Variants in MSRA observed in about 807,000 individuals in gnomAD.
MSRA encodes the protein mitochondrial peptide methionine sulfoxide reductase.
A neutral mutation model predicts 31.3 loss-of-function variants in MSRA; 54 were observed. The ratio of observed to expected loss-of-function variants is 1.73; its 90% CI spans 1.39 to 2.17. The LOEUF (loss-of-function observed/expected upper bound fraction) is 2.17, where lower values mean the gene tolerates loss of function less well. MSRA is among the 30% of genes most tolerant of loss of function. MSRA has a pLI of 0.00. For synonymous variants in MSRA, 169 were observed against 116.5 expected, an observed-to-expected ratio of 1.45 and a Z score of -2.90; for missense variants, 507 against 300.9, an observed-to-expected ratio of 1.69 and a Z score of -5.07.
rs1554515751 is a variant in MSRA at position 10,283,868 on chromosome 8, CAT to C, written c.332-17659_332-17658del. Among the ~76,000 whole-genome samples the C allele has an allele frequency of 2.9e-3, 382 of 132,010 alleles. 1 individual carries two copies. Among genetic ancestry groups the C allele is most frequent in the African/African-American group, 9.1e-3 (333 of 36,474 alleles). The allele number at this position is 132,010 out of a possible 152,430, so 86.6% of individuals were successfully genotyped here. On this transcript the variant is annotated intron_variant, in intron 3 of 5. Transcript: ENST00000317173. ...ACACACACACACACACACACACACA[CAT>C]ATATATTACAGTTTCTTTATCTACT...
At chr8:10,199,875 A>G (rs1418887197) in intron 1 of MSRA, among the ~76,000 whole-genome samples, 1 of 152,074 alleles carries the variant, frequency 6.6e-6, no homozygotes, top group Non-Finnish European at 1.5e-5. Context: ...GCCCCACAAC[A>G]CTAACTCCTG....
chr8:10,124,718 G>A (rs1026176445), intron 1 of MSRA, among the ~76,000 whole-genome samples: 28 of 152,132 alleles, frequency 1.8e-4, no homozygotes, highest in African/African-American at 6.8e-4. Flanking sequence ...AATTTTGCAA[G>A]AAATCTATTA....
chr8:10,106,249 T>A (rs373573198), intron 1 of MSRA, among the ~76,000 whole-genome samples: 13 of 152,330 alleles, frequency 8.5e-5, no homozygotes, highest in East Asian at 3.9e-4. Flanking sequence ...CTTTGCTCAG[T>A]CAATTCCAGT....
intron 1 of MSRA, among the ~76,000 whole-genome samples, chr8:10,182,982 C>G (rs1750720763): frequency 6.6e-6 from 1 of 152,208 alleles, no homozygotes; most frequent in Non-Finnish European, 1.5e-5. Flanking sequence ...GCAGATAATA[C>G]TGTGTAGACC....
chr8:10,131,260 G>A (rs1339745762), intron 1 of MSRA, among the ~76,000 whole-genome samples: 1 of 152,136 alleles, frequency 6.6e-6, no homozygotes, highest in African/African-American at 2.4e-5. Flanking sequence ...AGAAGGCAAT[G>A]ACAATGCAAA....
chr8:10,415,342 C>G (rs1486129816), intron 5 of MSRA, among the ~76,000 whole-genome samples: 1 of 152,134 alleles, frequency 6.6e-6, no homozygotes, highest in Non-Finnish European at 1.5e-5. Context: ...CAAATGACGG[C>G]CACCCACTTC....
At chr8:10,279,229 C>A (rs114438079) in intron 3 of MSRA, among the ~76,000 whole-genome samples, 4 of 152,074 alleles carry the variant, frequency 2.6e-5, no homozygotes, top group Non-Finnish European at 5.9e-5. Context: ...GCGTGCATTG[C>A]GTGTCTTCCA....
At chr8:10,054,787 T>C in intron 1 of MSRA, 129 bp downstream of exon 1, 1 of 1,097,008 alleles carries the variant, frequency 9.1e-7, no homozygotes, top group Non-Finnish European at 1.2e-6. Context: ...GGTGGGGGTC[T>C]GCGCAGGCGC....
At chr8:10,419,034 C>A (rs1808652943) in intron 5 of MSRA, among the ~76,000 whole-genome samples, 1 of 152,076 alleles carries the variant, frequency 6.6e-6, no homozygotes, top group Non-Finnish European at 1.5e-5. Context: ...CATACGGCAT[C>A]CTTGTGCGCA....
At chr8:10,204,035 G>A (rs181444509) in intron 1 of MSRA, among the ~76,000 whole-genome samples, 1 of 151,728 alleles carries the variant, frequency 6.6e-6, no homozygotes, top group Non-Finnish European at 1.5e-5. Context: ...TTTAAAAATA[G>A]GAAGAAGTTT....
At chr8:10,244,308 C>T (rs1797497048) in intron 2 of MSRA, among the ~76,000 whole-genome samples, 1 of 152,056 alleles carries the variant, frequency 6.6e-6, no homozygotes, top group African/African-American at 2.4e-5. Flanking sequence ...ATTTGGAGCC[C>T]AAGGAAGTGC....
chr8:10,309,083 T>A (rs956125230), intron 4 of MSRA, among the ~76,000 whole-genome samples: 1 of 152,200 alleles, frequency 6.6e-6, no homozygotes, highest in Non-Finnish European at 1.5e-5. Context: ...CCCACCCTAA[T>A]TAAAGTAGCA....
chr8:10,304,133 C>T (rs923630069), intron 4 of MSRA, among the ~76,000 whole-genome samples: 1 of 152,152 alleles, frequency 6.6e-6, no homozygotes, highest in South Asian at 2.1e-4. Flanking sequence ...GCTGGGGTTT[C>T]ACCATGTTGG....
Position 10,419,503 on chromosome 8 carries a change from C to A in MSRA, c.544-8645C>A, listed in dbSNP as rs1321717932. Among the ~76,000 whole-genome samples, 3 of 152,286 alleles carry A rather than the reference C, an allele frequency of 2.0e-5. No individual in the cohort carries two copies. The South Asian group carries it at 6.2e-4, about 32-fold the overall frequency. On this transcript the variant is annotated intron_variant, in intron 5 of 5. Transcript: ENST00000317173. ...AAAGTAGAATAACGGCCCCACCCTG[C>A]AGGATGAGTAGCCTGATGACGTGAG...
Position 10,054,336 on chromosome 8 carries a change from G to A in MSRA, c.-181G>A. On this transcript the variant is annotated 5_prime_UTR_variant, in exon 1 of 6. Coordinates refer to ENST00000317173, the MANE Select transcript of MSRA (RefSeq NM_012331.5). The stretch of plus-strand genomic sequence containing the variant: ...CCCCGGTGACAGCCGGTACGGCCCC[G>A]GGTTTGGGCAACCTCGATTACGGGC... The A allele has an allele frequency of 2.1e-6, 1 of 484,236 alleles. No homozygotes were observed. The highest frequency in any genetic ancestry group is 3.2e-6 in the Non-Finnish European group (1 of 311,706). 30.0% of individuals were successfully genotyped at this position (484,236 alleles called of 1,614,324 possible).
chr8:10,304,790 A>T (rs1187783393), intron 4 of MSRA, among the ~76,000 whole-genome samples: 2 of 152,220 alleles, frequency 1.3e-5, no homozygotes, highest in South Asian at 2.1e-4. Flanking sequence ...GATATGTAAG[A>T]CTGACTGTTC....
At chr8:10,056,404 C>A (rs1802373936) in intron 1 of MSRA, among the ~76,000 whole-genome samples, 1 of 152,028 alleles carries the variant, frequency 6.6e-6, no homozygotes, top group Non-Finnish European at 1.5e-5. Context: ...TTTTTCTTAT[C>A]CCCATCATAA....
chr8:10,353,607 T>G, intron 5 of MSRA: 1 of 456,232 alleles, frequency 2.2e-6, no homozygotes, highest in South Asian at 1.5e-5. Flanking sequence ...GCTATGCCTT[T>G]TCCTTTAGGT....
chr8:10,248,605 T>A (rs1379321480), intron 3 of MSRA, among the ~76,000 whole-genome samples: 1 of 152,140 alleles, frequency 6.6e-6, no homozygotes, highest in Non-Finnish European at 1.5e-5. Context: ...GCAGTGTGTG[T>A]CCAGAGAGGG....
Sources: allele counts gnomAD v4.1 joint callset (sites outside exome capture counted in the v4.1 genomes callset), GRCh38; gene constraint gnomAD v4.1.1; transcripts MANE v1.5; gene names NCBI Gene and HGNC (gene_info 2026-07-23, HGNC 2026-07-21).